CCDC191: variants seen among roughly 807,000 people sequenced by gnomAD.
CCDC191 encodes coiled-coil domain-containing protein 191.
In CCDC191, 99 loss-of-function variants were observed where a neutral mutation model predicts 114.0. That is an observed-to-expected ratio of 0.87 (90% CI 0.74 to 1.03). CCDC191 has a LOEUF of 1.03. Ranked by LOEUF, CCDC191 falls within the 50% of genes least tolerant of loss-of-function variation. CCDC191 has a pLI of 0.00. For synonymous variants in CCDC191, 351 were observed against 376.0 expected (o/e 0.93, Z 0.77); for missense variants, 973 against 1,087.0 (o/e 0.90, Z 1.47).
chr3:113,965,083 G>A lies in CCDC191; in HGVS notation c.*72C>T. 2.4e-6 allele frequency: 2 copies of A among 822,790 alleles called. No individual in the cohort carries two copies. The highest frequency in any genetic ancestry group is 3.8e-6 in the Non-Finnish European group (2 of 521,580). The allele number at this position is 822,790 out of a possible 1,614,324, so 51.0% of individuals were successfully genotyped here. A position where few individuals can be genotyped will look rare whatever the true frequency, so the allele number is the denominator to read the frequency against. ...ATAAACCAGGTGTATGTATGTATGT[G>A]TGTGGGTGGGTGGAGATAACACACA... On this transcript the variant is annotated 3_prime_UTR_variant, in exon 17 of 17. Coordinates refer to ENST00000295878, the MANE Select transcript of CCDC191 (RefSeq NM_020817.2).
chr3:114,039,864 AAGTT>A (rs2076537381), intron 4 of CCDC191, among the ~76,000 whole-genome samples: 3 of 152,224 alleles, frequency 2.0e-5, no homozygotes, highest in African/African-American at 7.2e-5. Flanking sequence ...AAGTTGGAGT[AAGTT>A]AAAGTCAATT....
chr3:113,978,456 G>C, intron 15 of CCDC191, 125 bp from the exon 16 acceptor site: 2 of 978,898 alleles, frequency 2.0e-6, no homozygotes, highest in Non-Finnish European at 3.0e-6. Context: ...GACATACAAA[G>C]AAAAGGATAA....
At chr3:114,010,733 T>G in intron 9 of CCDC191, 39 bp downstream of exon 9, 2 of 1,561,736 alleles carry the variant, frequency 1.3e-6, no homozygotes, top group Non-Finnish European at 1.7e-6. Flanking sequence ...AGCACAAACC[T>G]CAAATGCAAG....
intron 8 of CCDC191, among the ~76,000 whole-genome samples, chr3:114,016,394 T>C (rs566039070): frequency 6.6e-6 from 1 of 152,200 alleles, no homozygotes; most frequent in Non-Finnish European, 1.5e-5. Context: ...TTGGTGTCCA[T>C]TGAGGCTGCT....
chr3:113,970,963 A>G (rs953110422), intron 16 of CCDC191, among the ~76,000 whole-genome samples: 6 of 152,132 alleles, frequency 3.9e-5, no homozygotes, highest in African/African-American at 9.7e-5. Context: ...AATCCAGTCT[A>G]TCATTGTTGG....
intron 7 of CCDC191, among the ~76,000 whole-genome samples, chr3:114,024,937 C>G (rs2076298655): frequency 6.6e-6 from 1 of 152,180 alleles, no homozygotes; most frequent in African/African-American, 2.4e-5. Context: ...AGCAATACCC[C>G]ATGACCAATC....
intron 7 of CCDC191, among the ~76,000 whole-genome samples, chr3:114,023,757 C>G (rs1434378016): frequency 4.9e-4 from 75 of 151,828 alleles, no homozygotes; most frequent in Non-Finnish European, 2.1e-4. Context: ...AAAACCCTAG[C>G]AGAAAACCTA....
chr3:114,011,054 A>G lies in CCDC191; in HGVS notation c.1164-33T>C, dbSNP rs762513852. 5.1e-6 allele frequency: 8 copies of G among 1,581,840 alleles called. 1 individual carries two copies. The South Asian group carries it at 9.2e-5, about 18-fold the overall frequency. ...ACAAAGCACTTCCATTAAAATAAAG[A>G]AGCCATTTACAGTTTGTTAATTGAT... On this transcript the variant is annotated intron_variant, in intron 8 of 16. Coordinates refer to ENST00000295878, the MANE Select transcript of CCDC191 (RefSeq NM_020817.2).
chr3:114,033,747 A>G (rs2076441246), intron 6 of CCDC191, among the ~76,000 whole-genome samples: 1 of 152,248 alleles, frequency 6.6e-6, no homozygotes, highest in Non-Finnish European at 1.5e-5. Flanking sequence ...CTGACCTTAG[A>G]AAGAACTCAC....
chr3:114,031,572 C>G, intron 7 of CCDC191, 54 bp downstream of exon 7: 1 of 1,418,770 alleles, frequency 7.0e-7, no homozygotes, highest in South Asian at 1.2e-5. Flanking sequence ...TCTGATGGAG[C>G]TCTTTGTCAT....
chr3:114,047,687 A>AT (rs1157596158), intron 2 of CCDC191, among the ~76,000 whole-genome samples: 2 of 152,028 alleles, frequency 1.3e-5, no homozygotes, highest in Non-Finnish European at 1.5e-5. Context: ...AATTAAATAA[A>AT]TTTTAAAGCT....
rs199628423 is a variant in CCDC191, at chr3:114,052,899, CAT to C, written c.129+696_129+697del. ...GGGAAAATGCTGCATGATTTTGAAA[CAT>C]GTGGTACACGATGAATTGAATATGG... On this transcript the variant is annotated intron_variant, in intron 2 of 16. Coordinates refer to ENST00000295878, the MANE Select transcript of CCDC191 (RefSeq NM_020817.2). Among the ~76,000 whole-genome samples, 212 of 152,262 alleles carry C rather than the reference CAT, an allele frequency of 1.4e-3. 4 individuals are homozygous for C. The East Asian group carries it at 0.017, about 12-fold the overall frequency.
At chr3:114,035,689 T>C (rs990519213) in intron 5 of CCDC191, among the ~76,000 whole-genome samples, 5 of 152,182 alleles carry the variant, frequency 3.3e-5, no homozygotes, top group Non-Finnish European at 7.4e-5. Flanking sequence ...ACATTCATTT[T>C]TTTCAAACCT....
At chr3:113,977,490 C>T (rs1941454679) in intron 16 of CCDC191, among the ~76,000 whole-genome samples, 1 of 152,010 alleles carries the variant, frequency 6.6e-6, no homozygotes, top group Non-Finnish European at 1.5e-5. Flanking sequence ...ATACAGAATA[C>T]CTTATTTCTC....
At position 113,964,401 on chromosome 3, in the gene CCDC191, T is replaced by A; in HGVS notation, c.*754A>T. 1 of 152,208 alleles carries A rather than the reference T, an allele frequency of 6.6e-6. No homozygotes were observed. Among genetic ancestry groups the A allele is most frequent in the Admixed American group, 6.5e-5 (1 of 15,272 alleles). 9.4% of individuals were successfully genotyped at this position (152,208 alleles called of 1,614,324 possible). On this transcript the variant is annotated 3_prime_UTR_variant, in exon 17 of 17. Transcript: ENST00000295878. ...ATGAAAACATTCTTTGAATTCAAGA[T>A]AGGTATCTCAATATCTAGATCAAAC... is the stretch of plus-strand genomic sequence containing the variant.
At chr3:113,978,106 A>G in intron 16 of CCDC191, 80 bp downstream of exon 16, 2 of 1,504,676 alleles carry the variant, frequency 1.3e-6, no homozygotes, top group Non-Finnish European at 1.8e-6. Context: ...TCATCTCTGC[A>G]GACACATTGT....
At position 113,977,731 on chromosome 3, in the gene CCDC191, CAG is replaced by C. The variant is rs2074979179; in HGVS notation, c.2606+453_2606+454del. The stretch of plus-strand genomic sequence containing the variant: ...ACAGCAATGTTCAACGTTTTGACCT[CAG>C]TGGTGGTAACAAAGGGTGTCCACTT... On this transcript the variant is annotated intron_variant, in intron 16 of 16. Transcript: ENST00000295878. Among the ~76,000 whole-genome samples the C allele has an allele frequency of 2.6e-5, 4 of 152,154 alleles. No individual in the cohort carries two copies. In the South Asian group the frequency reaches 8.3e-4, roughly 31 times the overall value.
At chr3:114,054,291 CCTCT>C (rs1453190759) in intron 1 of CCDC191, 2 of 152,110 alleles carry the variant, frequency 1.3e-5, no homozygotes, top group Non-Finnish European at 2.9e-5. Flanking sequence ...TGGAGAATTC[CCTCT>C]AATAGTCACT....
At chr3:113,978,632 CTT>C (rs1280910441) in intron 15 of CCDC191, 7 of 596,244 alleles carry the variant, frequency 1.2e-5, no homozygotes, top group Middle Eastern at 4.5e-4. Flanking sequence ...GGAATGATAA[CTT>C]ACAGTTTATA....
Sources: allele counts gnomAD v4.1 joint callset (sites outside exome capture counted in the v4.1 genomes callset), GRCh38; gene constraint gnomAD v4.1.1; transcripts MANE v1.5; gene names NCBI Gene and HGNC (gene_info 2026-07-23, HGNC 2026-07-21).